Variants in ATP6V1C1 observed in about 807,000 individuals in gnomAD.
The protein encoded by ATP6V1C1 is V-type proton ATPase subunit C 1.
In ATP6V1C1, 45 loss-of-function variants were observed where a neutral mutation model predicts 53.9. The observed-to-expected ratio is 0.83, with a 90% CI of 0.66 to 1.07. The LOEUF (loss-of-function observed/expected upper bound fraction) is 1.07. Ranked by LOEUF, ATP6V1C1 falls within the 50% of genes least tolerant of loss-of-function variation. The probability of loss-of-function intolerance (pLI) is 0.00; values close to 1 mark genes in which losing one functional copy is unlikely to be tolerated. For missense variants in ATP6V1C1, 315 were observed against 440.3 expected, an observed-to-expected ratio of 0.72 and a Z score of 2.55; for synonymous variants, 153 against 155.2, an observed-to-expected ratio of 0.99 and a Z score of 0.11.
rs990475586 is a variant in ATP6V1C1 at position 103,072,400 on chromosome 8, A to G, written c.*3653A>G. On this transcript the variant is annotated 3_prime_UTR_variant, in exon 13 of 13. Transcript: ENST00000518738. ...GTTAAAAACCACATATACAAATACT[A>G]TAGAACAGCTTATAATGAAAACCTT... 1 of 152,254 alleles carries G rather than the reference A, an allele frequency of 6.6e-6. No individual in the cohort carries two copies. Among genetic ancestry groups the G allele is most frequent in the Non-Finnish European group, 1.5e-5 (1 of 68,042 alleles). The allele number at this position is 152,254 out of a possible 1,614,324, so 9.4% of individuals were successfully genotyped here. A position where few individuals can be genotyped will look rare whatever the true frequency, so the allele number is the denominator to read the frequency against.
At chr8:103,031,316 C>T (rs1816792892) in intron 1 of ATP6V1C1, among the ~76,000 whole-genome samples, 1 of 152,088 alleles carries the variant, frequency 6.6e-6, no homozygotes. Flanking sequence ...TTATTTGTTG[C>T]CATAAAGGAA....
intron 1 of ATP6V1C1, among the ~76,000 whole-genome samples, chr8:103,037,948 C>T (rs1479718366): frequency 1.3e-5 from 2 of 152,170 alleles, no homozygotes; most frequent in Non-Finnish European, 2.9e-5. Flanking sequence ...GAAACTCTTA[C>T]TCTGCTGGCA....
chr8:103,060,872 A>G (rs1180378380), intron 8 of ATP6V1C1, among the ~76,000 whole-genome samples: 1 of 152,012 alleles, frequency 6.6e-6, no homozygotes, highest in Non-Finnish European at 1.5e-5. Context: ...AACCTGCTTA[A>G]TAGGTAACCT....
At chr8:103,059,957 A>ATG (rs1428022548) in intron 8 of ATP6V1C1, among the ~76,000 whole-genome samples, 4 of 149,464 alleles carry the variant, frequency 2.7e-5, no homozygotes, top group Admixed American at 6.7e-5. Context: ...GTATATATAT[A>ATG]TTGTTTTTCT....
chr8:103,033,240 T>C (rs1241439329), intron 1 of ATP6V1C1, among the ~76,000 whole-genome samples: 4 of 152,208 alleles, frequency 2.6e-5, no homozygotes, highest in African/African-American at 9.6e-5. Context: ...GAAGTGTCCT[T>C]AATCTTGGTT....
At chr8:103,048,024 T>C (rs1250233562) in intron 3 of ATP6V1C1, among the ~76,000 whole-genome samples, 7 of 152,234 alleles carry the variant, frequency 4.6e-5, no homozygotes, top group Admixed American at 4.6e-4. Context: ...TCTTGTATGA[T>C]TTTGAATCCC....
At chr8:103,042,762 G>T (rs181079967) in intron 3 of ATP6V1C1, among the ~76,000 whole-genome samples, 1 of 152,172 alleles carries the variant, frequency 6.6e-6, no homozygotes, top group South Asian at 2.1e-4. Context: ...GTTCCCATTA[G>T]CAGTCACTTA....
chr8:103,042,546 A>C, intron 3 of ATP6V1C1, 139 bp downstream of exon 3: 1 of 701,140 alleles, frequency 1.4e-6, no homozygotes, highest in Non-Finnish European at 2.4e-6. Flanking sequence ...TTCGTATATC[A>C]ATTTTATGAA....
At chr8:103,055,538 A>T (rs1817275611) in intron 7 of ATP6V1C1, among the ~76,000 whole-genome samples, 1 of 152,118 alleles carries the variant, frequency 6.6e-6, no homozygotes, top group South Asian at 2.1e-4. Flanking sequence ...GACCATTTTT[A>T]AAAAATGAGG....
In ATP6V1C1 at chr8:103,040,918, A is replaced by G. The variant is rs748306253; in HGVS notation, c.82A>G (p.Lys28Glu). Reference sequence around the variant, plus strand: ...GGAGAAATTGCATGCGGCAACTTCAAAGAACAATAATCTTGCTGTCACTTC... The same window carrying G: ...GGAGAAATTGCATGCGGCAACTTCAGAGAACAATAATCTTGCTGTCACTTC... Reference protein sequence around the residue: ...TWEKLHAATSKNNNLAVTSKF... With the variant: ...TWEKLHAATSENNNLAVTSKF... Residue 28 changes from lysine (K) to glutamate (E), a missense_variant, in exon 2 of 13, where the codon AAG (lysine) becomes GAG (glutamate). Coordinates refer to ENST00000518738, the MANE Select transcript of ATP6V1C1 (RefSeq NM_001695.5). The G allele has an allele frequency of 1.2e-6, 2 of 1,614,152 alleles. No individual in the cohort carries two copies. The highest frequency in any genetic ancestry group is 8.5e-7 in the Non-Finnish European group (1 of 1,179,998).
intron 1 of ATP6V1C1, among the ~76,000 whole-genome samples, chr8:103,039,436 T>C (rs1816955188): frequency 6.6e-6 from 1 of 152,210 alleles, no homozygotes; most frequent in Admixed American, 6.5e-5. Context: ...ATACTTTACA[T>C]TTTAAAGGAA....
chr8:103,048,916 A>G lies in ATP6V1C1; in HGVS notation c.247A>G (p.Ser83Gly), dbSNP rs1344897254. Residue 83 changes from serine (S) to glycine (G), a missense_variant, in exon 4 of 13, where the codon AGC becomes GGC. By Grantham distance (56) the Ser-to-Gly change is moderately conservative (BLOSUM62 0). Transcript: ENST00000518738. Reference sequence around the variant, plus strand: ...ATACATGGCTGATGTATTGGAAGATAGCAAAGACAAAGTTCAAGAGAATCT... The same window carrying G: ...ATACATGGCTGATGTATTGGAAGATGGCAAAGACAAAGTTCAAGAGAATCT... ...AQYMADVLED[S>G]KDKVQENLLA... 2 of 1,613,312 alleles carry G rather than the reference A, an allele frequency of 1.2e-6. No individual in the cohort carries two copies. The highest frequency in any genetic ancestry group is 1.7e-6 in the Non-Finnish European group (2 of 1,179,680).
chr8:103,039,064 A>T (rs932784342), intron 1 of ATP6V1C1, among the ~76,000 whole-genome samples: 6 of 152,196 alleles, frequency 3.9e-5, no homozygotes, highest in Admixed American at 2.6e-4. Context: ...TTTCTTTTTT[A>T]AAATTTTTTT....
At position 103,062,316 on chromosome 8, in the gene ATP6V1C1, A is replaced by G. The variant is rs187416201; in HGVS notation, c.642-639A>G. On this transcript the variant is annotated intron_variant, in intron 8 of 12. Coordinates refer to ENST00000518738, the MANE Select transcript of ATP6V1C1 (RefSeq NM_001695.5). ...CTCCCGAGTAGCTAGGACTACAGGC[A>G]TGCACCATCACGCCTGGCTAGTTTT... 3.6e-3 allele frequency among the ~76,000 whole-genome samples: 552 copies of G among 151,858 alleles called. 3 individuals are homozygous for G. Among genetic ancestry groups the G allele is most frequent in the African/African-American group, 0.012 (517 of 41,388 alleles).
chr8:103,056,731 T>C (rs1024002824), intron 8 of ATP6V1C1, among the ~76,000 whole-genome samples: 2 of 152,170 alleles, frequency 1.3e-5, no homozygotes, highest in African/African-American at 4.8e-5. Context: ...TGAGAAAATA[T>C]AAATACAGTG....
At chr8:103,037,447 A>G (rs1351278503) in intron 1 of ATP6V1C1, among the ~76,000 whole-genome samples, 1 of 152,154 alleles carries the variant, frequency 6.6e-6, no homozygotes. Context: ...ATCCAAAAAT[A>G]CTTTTAAAAT....
chr8:103,022,824 G>C (rs1305840381), intron 1 of ATP6V1C1, among the ~76,000 whole-genome samples: 1 of 152,014 alleles, frequency 6.6e-6, no homozygotes, highest in East Asian at 1.9e-4. Flanking sequence ...TGAGGTGGGA[G>C]GATTGCCTGA....
chr8:103,027,800 T>C (rs1816724629), intron 1 of ATP6V1C1, among the ~76,000 whole-genome samples: 2 of 152,090 alleles, frequency 1.3e-5, no homozygotes. Context: ...TGTTCTTCAG[T>C]GTTTTTTTCT....
intron 11 of ATP6V1C1, among the ~76,000 whole-genome samples, chr8:103,065,903 A>T (rs1554601586): frequency 6.6e-6 from 1 of 151,942 alleles, no homozygotes; most frequent in African/African-American, 2.4e-5. Flanking sequence ...TCAGCTGGGC[A>T]TGGTGGTATG....
Sources: gnomAD v4.1 joint callset for allele counts (sites outside exome capture counted in the v4.1 genomes callset) on GRCh38, gnomAD v4.1.1 for gene constraint, MANE v1.5 for transcripts, NCBI Gene and HGNC (gene_info 2026-07-23, HGNC 2026-07-21) for gene names.